SLF1: variants seen among roughly 807,000 people sequenced by gnomAD.
SLF1 encodes the protein SMC5-SMC6 complex localization factor protein 1.
Under a neutral mutation model 123.0 loss-of-function variants are expected in SLF1, and 105 were observed. That is an observed-to-expected ratio of 0.85 (90% CI 0.73 to 1.00). SLF1 has a LOEUF of 1.00. Ranked by LOEUF, SLF1 falls within the 50% of genes least tolerant of loss-of-function variation. SLF1 has a pLI of 0.00. For missense variants in SLF1, 1,239 were observed against 1,223.0 expected (o/e 1.01, Z -0.20); for synonymous variants, 434 against 406.6 (o/e 1.07, Z -0.81).
intron 4 of SLF1, among the ~76,000 whole-genome samples, chr5:94,641,605 C>G (rs954435816): frequency 2.0e-5 from 3 of 152,150 alleles, no homozygotes; most frequent in African/African-American, 7.2e-5. Flanking sequence ...CGTTTCTCAT[C>G]ACTATTCTTG....
At chr5:94,637,827 G>A (rs1362467460) in intron 4 of SLF1, among the ~76,000 whole-genome samples, 2 of 152,006 alleles carry the variant, frequency 1.3e-5, no homozygotes, top group South Asian at 2.1e-4. Context: ...GCAGTGTGGC[G>A]GTCCTTTCCC....
At chr5:94,621,913 C>T (rs1219638060) in intron 1 of SLF1, among the ~76,000 whole-genome samples, 1 of 151,876 alleles carries the variant, frequency 6.6e-6, no homozygotes, top group African/African-American at 2.4e-5. Flanking sequence ...CACATACACA[C>T]GTGCGTGTGC....
chr5:94,639,948 TC>T (rs146274039), intron 4 of SLF1, among the ~76,000 whole-genome samples: 2,474 of 152,318 alleles, frequency 0.016, 69 homozygotes, highest in African/African-American at 0.055. Context: ...TGTTCTTCTA[TC>T]CTTTTTTCTA....
At position 94,692,257 on chromosome 5, in the gene SLF1, G is replaced by A. The variant is rs1457507114; in HGVS notation, c.2695+1G>A. On this transcript the variant is annotated splice_donor_variant, in intron 20 of 20. Coordinates refer to ENST00000265140, the MANE Select transcript of SLF1 (RefSeq NM_032290.4). LOFTEE classifies it high-confidence loss of function. ...GGCAAGCTGCTACTACAGCATGGGGGTGAGTGTGTTTATGCTAAATGGGTT... is the reference window on the plus strand; with the variant it reads ...GGCAAGCTGCTACTACAGCATGGGGATGAGTGTGTTTATGCTAAATGGGTT... 1 of 1,612,248 alleles carries A rather than the reference G, an allele frequency of 6.2e-7. No homozygotes were observed.
rs538492081 is a variant in SLF1, at chr5:94,654,352, G to A, written c.1033-278G>A. On this transcript the variant is annotated intron_variant, in intron 8 of 20. Coordinates refer to ENST00000265140, the MANE Select transcript of SLF1 (RefSeq NM_032290.4). The stretch of plus-strand genomic sequence containing the variant: ...ACAGGATAAATGAAAAGTGCCTTAA[G>A]AAAGTACATATGTTGGCAGGAGCAA... Among the ~76,000 whole-genome samples, 18 of 135,708 alleles carry A rather than the reference G, an allele frequency of 1.3e-4. 1 individual carries two copies. Among genetic ancestry groups the A allele is most frequent in the Non-Finnish European group, 2.8e-4 (18 of 63,316 alleles). 89.0% of individuals were successfully genotyped at this position (135,708 alleles called of 152,430 possible). A position where few individuals can be genotyped will look rare whatever the true frequency, so the allele number is the denominator to read the frequency against.
chr5:94,630,464 CA>C, intron 3 of SLF1, 38 bp from the exon 4 acceptor site: 1 of 1,521,144 alleles, frequency 6.6e-7, no homozygotes, highest in South Asian at 1.3e-5. Flanking sequence ...TTATCAGAAC[CA>C]AAATTCCTTT....
At chr5:94,663,552 G>A (rs1749384085) in intron 10 of SLF1, among the ~76,000 whole-genome samples, 198 bp from the exon 11 acceptor site, 1 of 152,232 alleles carries the variant, frequency 6.6e-6, no homozygotes, top group Admixed American at 6.5e-5. Context: ...GTTGAGGCAG[G>A]AGAATCACTT....
chr5:94,626,049 C>G (rs1792210408), intron 1 of SLF1, among the ~76,000 whole-genome samples: 2 of 151,726 alleles, frequency 1.3e-5, no homozygotes, highest in South Asian at 2.1e-4. Flanking sequence ...GTCAGGAGAT[C>G]GAGACCGTCC....
intron 11 of SLF1, among the ~76,000 whole-genome samples, chr5:94,664,655 G>T (rs57565764): frequency 2.2e-3 from 327 of 149,460 alleles, no homozygotes; most frequent in African/African-American, 7.8e-3. Flanking sequence ...TAAGCATGTT[G>T]CATGAATAGT....
chr5:94,661,622 C>T (rs1296057055), intron 9 of SLF1, among the ~76,000 whole-genome samples: 2 of 151,786 alleles, frequency 1.3e-5, no homozygotes, highest in Admixed American at 1.3e-4. Flanking sequence ...ACAACCTGAG[C>T]TTCCCAGGTT....
At chr5:94,657,042 TTAATC>T (rs1235479806) in intron 9 of SLF1, among the ~76,000 whole-genome samples, 1 of 149,522 alleles carries the variant, frequency 6.7e-6, no homozygotes, top group Non-Finnish European at 1.5e-5. Flanking sequence ...TAATTTATAA[TTAATC>T]TAAATAATAA....
At position 94,674,157 on chromosome 5, in the gene SLF1, C is replaced by A. The variant is rs947524103; in HGVS notation, c.1827+3149C>A. Among the ~76,000 whole-genome samples the A allele has an allele frequency of 9.9e-5, 15 of 151,998 alleles. 1 individual carries two copies. The highest frequency in any genetic ancestry group is 9.2e-4 in the Admixed American group (14 of 15,276). On this transcript the variant is annotated intron_variant, in intron 14 of 20. Coordinates refer to ENST00000265140, the MANE Select transcript of SLF1 (RefSeq NM_032290.4). ...TAGAAAATATTTCTTCATTATAGAA[C>A]GTTTCTTTTTTTCATTCATTTGATT... is the stretch of plus-strand genomic sequence containing the variant.
rs927259040 is a variant in SLF1, at chr5:94,670,221, A to C, written c.1603A>C (p.Thr535Pro). The C allele has an allele frequency of 2.0e-6, 3 of 1,519,394 alleles. No individual in the cohort carries two copies. The highest frequency in any genetic ancestry group is 4.6e-5 in the Admixed American group (2 of 43,280). 94.1% of individuals were successfully genotyped at this position (1,519,394 alleles called of 1,614,324 possible). A position where few individuals can be genotyped will look rare whatever the true frequency, so the allele number is the denominator to read the frequency against. ...TATTGGCTCCAAGGTGCTCCACCTG[A>C]CGCTACTCAAATTTTTCTTTAATTT... ...ENIGSKVLHL[T>P]LLKFFFNLIE... The change falls in exon 13 of 21, where the codon ACG becomes CCG. Residue 535 changes from threonine (T) to proline (P), a missense_variant. By Grantham distance (38) the Thr-to-Pro change is conservative. Transcript: ENST00000265140.
chr5:94,694,871 G>A lies in SLF1; in HGVS notation c.2736G>A (p.Leu912=). The A allele has an allele frequency of 6.2e-7, 1 of 1,600,622 alleles. No homozygotes were observed. The highest frequency in any genetic ancestry group is 1.1e-5 in the South Asian group (1 of 88,314). ...AACAGAGGAATGCTAAGGGAGAATTGCCCTTGGATTATGTGGTTTCACCTC... is the reference window on the plus strand; with the variant it reads ...AACAGAGGAATGCTAAGGGAGAATTACCCTTGGATTATGTGGTTTCACCTC... ...LLQQRNAKGE[L]PLDYVVSPQI... The change falls in exon 21 of 21, where the codon TTG becomes TTA. Residue 912 remains leucine (L), a synonymous_variant. Coordinates refer to ENST00000265140, the MANE Select transcript of SLF1 (RefSeq NM_032290.4).
chr5:94,627,163 G>C (rs1411493907), intron 1 of SLF1, among the ~76,000 whole-genome samples: 1 of 152,088 alleles, frequency 6.6e-6, no homozygotes, highest in African/African-American at 2.4e-5. Context: ...AGTTTTTAAA[G>C]TTTACTTGTA....
At position 94,665,921 on chromosome 5, in the gene SLF1, C is replaced by T; in HGVS notation, c.1429C>T (p.His477Tyr). 1 of 1,550,750 alleles carries T rather than the reference C, an allele frequency of 6.4e-7. No individual in the cohort carries two copies. The highest frequency in any genetic ancestry group is 8.7e-7 in the Non-Finnish European group (1 of 1,146,038). ...TATATTGTCAGCTCTTCTTCACCTG[C>T]ATCCTCCTTGGAAGTCTCCAGCCAT... is the stretch of plus-strand genomic sequence containing the variant. ...FHILSALLHL[H>Y]PPWKSPAMSR... Residue 477 changes from histidine to tyrosine, a missense_variant, in exon 12 of 21, where the codon CAT becomes TAT. Coordinates refer to ENST00000265140, the MANE Select transcript of SLF1 (RefSeq NM_032290.4).
At chr5:94,648,780 TGAA>T (rs1358827853) in intron 5 of SLF1, among the ~76,000 whole-genome samples, 7 of 152,200 alleles carry the variant, frequency 4.6e-5, no homozygotes, top group African/African-American at 1.7e-4. Context: ...GTGCCCAGCC[TGAA>T]CAGCCTCTCA....
intron 17 of SLF1, 103 bp from the exon 18 acceptor site, chr5:94,689,370 T>A: frequency 8.1e-7 from 1 of 1,241,610 alleles, no homozygotes; most frequent in Non-Finnish European, 1.1e-6. Flanking sequence ...AGTAAGGGAG[T>A]TTAAATTAAA....
intron 20 of SLF1, among the ~76,000 whole-genome samples, chr5:94,692,905 A>G (rs184249294): frequency 1.7e-4 from 26 of 152,248 alleles, no homozygotes; most frequent in Admixed American, 7.2e-4. Context: ...TTTCAGTGTC[A>G]TTCTTCTTAT....
Sources: gnomAD v4.1 joint callset for allele counts (sites outside exome capture counted in the v4.1 genomes callset) on GRCh38, gnomAD v4.1.1 for gene constraint, MANE v1.5 for transcripts, NCBI Gene and HGNC (gene_info 2026-07-23, HGNC 2026-07-21) for gene names.